TYW1: variants seen among roughly 807,000 people sequenced by gnomAD.
TYW1 encodes the protein S-adenosyl-L-methionine-dependent tRNA 4-demethylwyosine synthase TYW1.
TYW1 carries 46 observed loss-of-function variants against 96.2 expected under a neutral mutation model. The observed-to-expected ratio is 0.48, with a 90% confidence interval of 0.38 to 0.61. The LOEUF (loss-of-function observed/expected upper bound fraction) is 0.61. TYW1 is among the 20% of genes least tolerant of loss of function. The pLI, the probability that TYW1 is intolerant of heterozygous loss-of-function variation, is 0.00. For missense variants in TYW1, 684 were observed against 909.6 expected, an observed-to-expected ratio of 0.75 and a Z score of 3.19; for synonymous variants, 274 against 323.0, an observed-to-expected ratio of 0.85 and a Z score of 1.63.
At chr7:67,051,305 C>T (rs1187651070) in intron 8 of TYW1, among the ~76,000 whole-genome samples, 1 of 151,940 alleles carries the variant, frequency 6.6e-6, no homozygotes, top group Non-Finnish European at 1.5e-5. Flanking sequence ...ACACATTTTA[C>T]TTTTACTTTT....
At chr7:67,026,273 A>G (rs1312120639) in intron 7 of TYW1, among the ~76,000 whole-genome samples, 1 of 152,026 alleles carries the variant, frequency 6.6e-6, no homozygotes, top group Non-Finnish European at 1.5e-5. Flanking sequence ...GGATTTCACC[A>G]TGTTGGCCAG....
intron 15 of TYW1, among the ~76,000 whole-genome samples, chr7:67,211,717 C>T (rs1801031926): frequency 6.6e-6 from 1 of 152,186 alleles, no homozygotes; most frequent in Non-Finnish European, 1.5e-5. Context: ...CTGGCTCCCA[C>T]CCTCAGCCAT....
At chr7:67,076,297 T>A (rs1379390884) in intron 10 of TYW1, among the ~76,000 whole-genome samples, 1 of 152,202 alleles carries the variant, frequency 6.6e-6, no homozygotes, top group Non-Finnish European at 1.5e-5. Flanking sequence ...GCAGAAGTGC[T>A]GGCGAGTGTA....
At chr7:67,015,922 C>T (rs542051060) in intron 5 of TYW1, among the ~76,000 whole-genome samples, 29 of 151,286 alleles carry the variant, frequency 1.9e-4, no homozygotes, top group African/African-American at 6.8e-4. Flanking sequence ...GAGATCTCAC[C>T]ACTGCACTCT....
At chr7:67,096,839 G>C (rs2686988) in intron 11 of TYW1, among the ~76,000 whole-genome samples, 1 of 151,608 alleles carries the variant, frequency 6.6e-6, no homozygotes, top group Non-Finnish European at 1.5e-5. Flanking sequence ...CGAGTCTTTC[G>C]CATTCTCTGT....
intron 9 of TYW1, among the ~76,000 whole-genome samples, chr7:67,062,699 A>G (rs1244094105): frequency 1.3e-5 from 2 of 152,168 alleles, no homozygotes; most frequent in Admixed American, 6.5e-5. Context: ...AAATTTGGCA[A>G]CTTAGGTGAA....
chr7:67,168,757 G>T (rs1799429101), intron 13 of TYW1, among the ~76,000 whole-genome samples: 1 of 151,730 alleles, frequency 6.6e-6, no homozygotes, highest in African/African-American at 2.4e-5. Context: ...TGTTGCCCAG[G>T]CTGGAGTGCA....
intron 7 of TYW1, among the ~76,000 whole-genome samples, chr7:67,046,225 C>T (rs917386824): frequency 2.6e-4 from 40 of 152,200 alleles, no homozygotes; most frequent in African/African-American, 8.7e-4. Flanking sequence ...GAGGTGATGC[C>T]GAGGCTTGCT....
chr7:67,155,293 G>A (rs1250465652), intron 13 of TYW1, among the ~76,000 whole-genome samples: 1 of 152,180 alleles, frequency 6.6e-6, no homozygotes, highest in Non-Finnish European at 1.5e-5. Flanking sequence ...AGATCCCTCA[G>A]GAATGAGTTG....
At chr7:67,001,758 C>T (rs774277022) in intron 3 of TYW1, among the ~76,000 whole-genome samples, 2 of 148,028 alleles carry the variant, frequency 1.4e-5, no homozygotes, top group Non-Finnish European at 3.0e-5. Flanking sequence ...CTTGGCCTGG[C>T]GTGGTGGCTC....
At chr7:67,021,326 A>G (rs186848521) in intron 6 of TYW1, among the ~76,000 whole-genome samples, 1 of 152,398 alleles carries the variant, frequency 6.6e-6, no homozygotes, top group Non-Finnish European at 1.5e-5. Flanking sequence ...TTTCTCTGCT[A>G]CATTTTCTTC....
intron 8 of TYW1, 80 bp from the exon 9 acceptor site, chr7:67,055,755 T>C (rs548069391): frequency 4.8e-6 from 5 of 1,048,472 alleles, no homozygotes; most frequent in Non-Finnish European, 6.7e-6. Context: ...AAAAAAAAAA[T>C]TTTTGCTAAA....
chr7:67,213,117 C>T (rs1048100383), intron 15 of TYW1, among the ~76,000 whole-genome samples: 1 of 152,034 alleles, frequency 6.6e-6, no homozygotes, highest in African/African-American at 2.4e-5. Context: ...AGGTGATTCG[C>T]CCTCCTCAGC....
At chr7:67,050,093 T>C in intron 8 of TYW1, 27 bp downstream of exon 8, 2 of 1,611,922 alleles carry the variant, frequency 1.2e-6, no homozygotes, top group Non-Finnish European at 1.7e-6. Context: ...ATTGTTGTTA[T>C]ATGACTGTAG....
At chr7:67,008,785 C>G (rs1213016570) in intron 3 of TYW1, among the ~76,000 whole-genome samples, 1 of 152,170 alleles carries the variant, frequency 6.6e-6, no homozygotes, top group African/African-American at 2.4e-5. Flanking sequence ...GCCTCAGCCT[C>G]CCGGGTAGCT....
intron 10 of TYW1, among the ~76,000 whole-genome samples, chr7:67,080,651 A>G (rs1280868698): frequency 6.6e-6 from 1 of 152,104 alleles, no homozygotes; most frequent in African/African-American, 2.4e-5. Context: ...TCCCTGCCTC[A>G]GCCTCCCAAA....
intron 8 of TYW1, among the ~76,000 whole-genome samples, chr7:67,053,385 T>C (rs1795421975): frequency 1.3e-5 from 2 of 150,736 alleles, no homozygotes; most frequent in African/African-American, 2.4e-5. Context: ...TGTTTCTTTT[T>C]TTTTTTTTTT....
intron 8 of TYW1, among the ~76,000 whole-genome samples, chr7:67,053,697 T>C (rs1467200445): frequency 6.6e-6 from 1 of 152,168 alleles, no homozygotes; most frequent in East Asian, 1.9e-4. Flanking sequence ...GGATAGTTTC[T>C]ATCACTGTGT....
At chr7:67,039,810 G>A (rs1459932198) in intron 7 of TYW1, among the ~76,000 whole-genome samples, 1 of 150,984 alleles carries the variant, frequency 6.6e-6, no homozygotes, top group East Asian at 2.0e-4. Context: ...CTACAGGTAC[G>A]TGCCACCACG....
Sources: gnomAD v4.1 joint callset for allele counts (sites outside exome capture counted in the v4.1 genomes callset) on GRCh38, gnomAD v4.1.1 for gene constraint, MANE v1.5 for transcripts, NCBI Gene and HGNC (gene_info 2026-07-23, HGNC 2026-07-21) for gene names.